Variants in CDS2 observed in about 807,000 individuals in gnomAD.
CDS2 encodes phosphatidate cytidylyltransferase 2.
CDS2 carries 47 observed loss-of-function variants against 59.0 expected under a neutral mutation model. That is an observed-to-expected ratio of 0.80 (90% CI 0.63 to 1.02). The LOEUF is 1.02. CDS2 is among the 50% of genes least tolerant of loss of function. The pLI is 0.00. For synonymous variants in CDS2, 207 were observed against 206.4 expected, an observed-to-expected ratio of 1.00 and a Z score of -0.02; for missense variants, 356 against 558.9, an observed-to-expected ratio of 0.64 and a Z score of 3.66.
At chr20:5,186,243 T>C (rs1165296215) in intron 9 of CDS2, among the ~76,000 whole-genome samples, 1 of 152,232 alleles carries the variant, frequency 6.6e-6, no homozygotes, top group Admixed American at 6.5e-5. Flanking sequence ...TCTTCAGCAC[T>C]GTCTGGCTGC....
intron 1 of CDS2, among the ~76,000 whole-genome samples, chr20:5,149,296 T>G (rs2090770063): frequency 6.6e-6 from 1 of 152,234 alleles, no homozygotes; most frequent in Admixed American, 6.5e-5. Context: ...TATTTGTATT[T>G]GGTAAATGGC....
At chr20:5,145,492 A>C (rs1025220789) in intron 1 of CDS2, among the ~76,000 whole-genome samples, 11 of 151,966 alleles carry the variant, frequency 7.2e-5, no homozygotes, top group Non-Finnish European at 2.9e-5. Flanking sequence ...CTCATCCACT[A>C]TCCCGTTTGC....
intron 2 of CDS2, 42 bp from the exon 3 acceptor site, chr20:5,175,141 C>G: frequency 6.9e-7 from 1 of 1,441,594 alleles, no homozygotes; most frequent in Middle Eastern, 1.8e-4. Flanking sequence ...TTTTTCTGGG[C>G]TCCTAACTGG....
In CDS2 at chr20:5,184,800, G is replaced by A; in HGVS notation, c.672-58G>A. ...GAATTTAAGAATGGCACTATTTTGT[G>A]TACTTTTGAGGTACTGTCACCTTGC... On this transcript the variant is annotated intron_variant, in intron 7 of 12. Coordinates refer to ENST00000460006, the MANE Select transcript of CDS2 (RefSeq NM_003818.4). This position sits in a 1 kb window ranked among gnomAD's most constrained non-coding sequence, Gnocchi z 4.3. 4.8e-6 allele frequency: 6 copies of A among 1,245,772 alleles called. No homozygotes were observed. Among genetic ancestry groups the A allele is most frequent in the Non-Finnish European group, 7.1e-6 (6 of 845,216 alleles). The allele number at this position is 1,245,772 out of a possible 1,614,324, so 77.2% of individuals were successfully genotyped here. A position where few individuals can be genotyped will look rare whatever the true frequency, so the allele number is the denominator to read the frequency against.
chr20:5,152,715 C>G (rs1005571413), intron 1 of CDS2, among the ~76,000 whole-genome samples: 2 of 152,186 alleles, frequency 1.3e-5, no homozygotes, highest in African/African-American at 4.8e-5. Flanking sequence ...TGCACTCCAG[C>G]CCGGGTGACA....
In CDS2 at chr20:5,191,840, A is replaced by T. The variant is rs572695032; in HGVS notation, c.*1606A>T. 9 of 152,292 alleles carry T rather than the reference A, an allele frequency of 5.9e-5. No individual in the cohort carries two copies. In the East Asian group the frequency reaches 1.2e-3, roughly 20 times the overall value. The allele number at this position is 152,292 out of a possible 1,614,324, so 9.4% of individuals were successfully genotyped here. ...TATTCAGGTCCAAGGCCCCTTAAAAACAAAACATATTATCGCAAGGGCTTT... is the reference window on the plus strand; with the variant it reads ...TATTCAGGTCCAAGGCCCCTTAAAATCAAAACATATTATCGCAAGGGCTTT... On this transcript the variant is annotated 3_prime_UTR_variant, in exon 13 of 13. Transcript: ENST00000460006.
At chr20:5,179,314 G>A (rs1022264738) in intron 5 of CDS2, among the ~76,000 whole-genome samples, 6 of 152,182 alleles carry the variant, frequency 3.9e-5, no homozygotes, top group African/African-American at 1.4e-4. Flanking sequence ...TAGAGACCGA[G>A]TTTCGCCATG....
At chr20:5,166,322 G>A (rs896045247) in intron 1 of CDS2, among the ~76,000 whole-genome samples, 1 of 152,124 alleles carries the variant, frequency 6.6e-6, no homozygotes, top group Non-Finnish European at 1.5e-5. Flanking sequence ...TTGAAAATTC[G>A]GGGAAAGGGT....
At chr20:5,127,727 T>C (rs891800743) in intron 1 of CDS2, among the ~76,000 whole-genome samples, 1 of 151,706 alleles carries the variant, frequency 6.6e-6, no homozygotes, top group Non-Finnish European at 1.5e-5. Flanking sequence ...GTTGATGGGT[T>C]GTTTCCTGCA....
chr20:5,142,481 G>T (rs1467200221), intron 1 of CDS2, among the ~76,000 whole-genome samples: 1 of 152,004 alleles, frequency 6.6e-6, no homozygotes, highest in Non-Finnish European at 1.5e-5. Context: ...ATGATTTCTG[G>T]ATCTAATTTG....
intron 9 of CDS2, 35 bp downstream of exon 9, chr20:5,185,861 G>A: frequency 1.9e-6 from 3 of 1,588,614 alleles, no homozygotes; most frequent in Non-Finnish European, 2.6e-6. Context: ...AAGGGATTGG[G>A]TGGACAGAGG....
intron 1 of CDS2, among the ~76,000 whole-genome samples, chr20:5,141,506 C>G (rs536101395): frequency 6.6e-6 from 1 of 152,194 alleles, no homozygotes; most frequent in East Asian, 1.9e-4. Context: ...CTGGAGACTC[C>G]GAAGCTCTTG....
intron 1 of CDS2, among the ~76,000 whole-genome samples, chr20:5,163,210 G>A (rs190578717): frequency 2.6e-5 from 4 of 152,252 alleles, no homozygotes; most frequent in Admixed American, 2.0e-4. Flanking sequence ...AAGATTTGGT[G>A]TTTCAGCACC....
chr20:5,180,930 A>C (rs919482120), intron 5 of CDS2, among the ~76,000 whole-genome samples: 6 of 152,190 alleles, frequency 3.9e-5, no homozygotes, highest in Non-Finnish European at 8.8e-5. Context: ...GCTCAGTCAG[A>C]AAGTGTCAGT....
intron 1 of CDS2, among the ~76,000 whole-genome samples, chr20:5,164,351 G>T (rs1250935279): frequency 6.6e-6 from 1 of 152,078 alleles, no homozygotes; most frequent in South Asian, 2.1e-4. Flanking sequence ...GGGGACATTT[G>T]CTCTCATGTC....
chr20:5,169,349 T>C (rs2090937935), intron 1 of CDS2, among the ~76,000 whole-genome samples: 1 of 151,958 alleles, frequency 6.6e-6, no homozygotes, highest in Non-Finnish European at 1.5e-5. Context: ...GAGGCAGGAG[T>C]GGATGCTGGT....
chr20:5,158,504 A>G (rs1259004785), intron 1 of CDS2, among the ~76,000 whole-genome samples: 2 of 152,208 alleles, frequency 1.3e-5, no homozygotes, highest in African/African-American at 4.8e-5. Context: ...ACAACCCTGT[A>G]AAATCTCACC....
intron 1 of CDS2, among the ~76,000 whole-genome samples, chr20:5,164,888 AGTAATGGCTTGTGAT>A (rs1290216488): frequency 7.2e-5 from 11 of 152,316 alleles, no homozygotes; most frequent in Non-Finnish European, 1.3e-4. Flanking sequence ...TTCTGAATTA[AGTAATGGCTTGTGAT>A]GGAGGTTGGT....
At chr20:5,179,097 A>T in intron 5 of CDS2, 141 bp downstream of exon 5, 1 of 637,384 alleles carries the variant, frequency 1.6e-6, no homozygotes, top group Non-Finnish European at 2.8e-6. Flanking sequence ...CTGATGCTCT[A>T]TGTTAAGCTG....
Sources: allele counts gnomAD v4.1 joint callset (sites outside exome capture counted in the v4.1 genomes callset), GRCh38; gene constraint gnomAD v4.1.1; non-coding constraint Gnocchi (gnomAD v3.1); transcripts MANE v1.5; gene names NCBI Gene and HGNC (gene_info 2026-07-23, HGNC 2026-07-21).